Variants in XIRP2 observed in about 807,000 individuals in gnomAD.
XIRP2 encodes xin actin-binding repeat-containing protein 2.
In XIRP2, 236 loss-of-function variants were observed where a neutral mutation model predicts 277.0. The ratio of observed to expected loss-of-function variants is 0.85; its 90% CI spans 0.77 to 0.95. XIRP2 has a LOEUF of 0.95. Among genes scored for constraint, XIRP2 ranks in the 40% least tolerant of loss-of-function variants. The probability of loss-of-function intolerance (pLI) is 0.00; values close to 1 mark genes in which losing one functional copy is unlikely to be tolerated. For synonymous variants in XIRP2, 1,490 were observed against 1,416.5 expected (o/e 1.05, Z -1.17); for missense variants, 4,640 against 4,157.5 (o/e 1.12, Z -3.19).
chr2:166,982,853 C>G (rs1686911054), intron 2 of XIRP2, among the ~76,000 whole-genome samples: 1 of 152,168 alleles, frequency 6.6e-6, no homozygotes, highest in African/African-American at 2.4e-5. Context: ...AAGCCAACAA[C>G]ATGGTAGATT....
intron 3 of XIRP2, among the ~76,000 whole-genome samples, chr2:167,205,754 A>T (rs1284299978): frequency 6.6e-6 from 1 of 152,162 alleles, no homozygotes; most frequent in East Asian, 1.9e-4. Flanking sequence ...CACATGGTAC[A>T]CCATTAGATT....
intron 2 of XIRP2, among the ~76,000 whole-genome samples, chr2:166,958,103 A>G (rs1178462067): frequency 6.6e-6 from 1 of 151,882 alleles, no homozygotes; most frequent in East Asian, 1.9e-4. Context: ...GACTTTGCTA[A>G]CTATGATTTT....
intron 2 of XIRP2, among the ~76,000 whole-genome samples, chr2:167,085,374 A>G (rs1258239577): frequency 8.0e-5 from 12 of 150,520 alleles, no homozygotes; most frequent in Non-Finnish European, 1.3e-4. Context: ...TATGTGGTCA[A>G]TTTTGGAATA....
intron 5 of XIRP2, among the ~76,000 whole-genome samples, chr2:167,237,786 A>G (rs1026350152): frequency 2.0e-5 from 3 of 152,116 alleles, no homozygotes; most frequent in Non-Finnish European, 2.9e-5. Flanking sequence ...TCACTGTTTA[A>G]TTGGTACTTC....
At chr2:167,075,784 G>C (rs1320760055) in intron 2 of XIRP2, among the ~76,000 whole-genome samples, 1 of 151,846 alleles carries the variant, frequency 6.6e-6, no homozygotes, top group Non-Finnish European at 1.5e-5. Flanking sequence ...TGGGATTACA[G>C]GCACCTGCCA....
chr2:167,118,482 GATAAAATAAAATAAA>G lies in XIRP2; in HGVS notation c.409-17388_409-17374del, dbSNP rs11270871. Reference sequence around the variant, plus strand: ...GGGCGACACAGCAAGACTCTGTCTCGATAAAATAAAATAAAATAAAATAAAATAAAATAAAATAAA... The same window carrying G: ...GGGCGACACAGCAAGACTCTGTCTCGATAAAATAAAATAAAATAAAATAAA... On this transcript the variant is annotated intron_variant, in intron 2 of 10. Coordinates refer to ENST00000409195, the MANE Select transcript of XIRP2 (RefSeq NM_152381.6). 6.5e-3 allele frequency among the ~76,000 whole-genome samples: 796 copies of G among 122,186 alleles called. 5 individuals are homozygous for G. Among genetic ancestry groups the G allele is most frequent in the South Asian group, 0.036 (129 of 3,562 alleles). 80.2% of individuals were successfully genotyped at this position (122,186 alleles called of 152,430 possible).
chr2:167,118,354 C>T (rs1010618056), intron 2 of XIRP2, among the ~76,000 whole-genome samples: 6 of 151,886 alleles, frequency 4.0e-5, no homozygotes, highest in East Asian at 1.9e-4. Context: ...TGGTGGCATA[C>T]GCCTGTAATC....
chr2:167,057,172 T>C (rs1180485744), intron 2 of XIRP2, among the ~76,000 whole-genome samples: 1 of 152,282 alleles, frequency 6.6e-6, no homozygotes, highest in East Asian at 1.9e-4. Context: ...TGAAAATCTC[T>C]GTACAAGCCG....
intron 1 of XIRP2, among the ~76,000 whole-genome samples, chr2:166,891,677 T>C (rs1048096316): frequency 6.6e-6 from 1 of 152,122 alleles, no homozygotes; most frequent in African/African-American, 2.4e-5. Flanking sequence ...GTCTTTTGAT[T>C]TTTTTTCTCT....
intron 2 of XIRP2, among the ~76,000 whole-genome samples, chr2:167,115,870 T>C (rs1690884156): frequency 1.3e-5 from 2 of 152,328 alleles, no homozygotes. Context: ...AAAATTTTCT[T>C]TGAGACTTCC....
chr2:166,904,000 T>C, intron 2 of XIRP2, 110 bp downstream of exon 2: 1 of 1,291,692 alleles, frequency 7.7e-7, no homozygotes, highest in Non-Finnish European at 1.1e-6. Context: ...TAGACAGATG[T>C]CCTGAAGCCG....
Position 166,903,901 on chromosome 2 carries a change from A to G in XIRP2, c.408+11A>G, listed in dbSNP as rs752046137. ...GAGTACGGTGGAAAGGTAAGGAGCC[A>G]TTGATTGAGAGTCTATGTTTACATA... is the stretch of plus-strand genomic sequence containing the variant. On this transcript the variant is annotated intron_variant, in intron 2 of 10. Coordinates refer to ENST00000409195, the MANE Select transcript of XIRP2 (RefSeq NM_152381.6). 3.1e-6 allele frequency: 5 copies of G among 1,606,092 alleles called. No individual in the cohort carries two copies. In the South Asian group the frequency reaches 4.4e-5, roughly 14 times the overall value.
intron 4 of XIRP2, among the ~76,000 whole-genome samples, chr2:167,212,648 A>G (rs989757062): frequency 1.1e-4 from 17 of 152,200 alleles, no homozygotes; most frequent in African/African-American, 3.4e-4. Flanking sequence ...GAGGAGGCCA[A>G]GCTAGATTCC....
chr2:166,905,408 A>G (rs1164438615), intron 2 of XIRP2, among the ~76,000 whole-genome samples: 1 of 151,984 alleles, frequency 6.6e-6, no homozygotes, highest in Non-Finnish European at 1.5e-5. Context: ...CTTATATACA[A>G]CAGTAAGATA....
At chr2:167,067,206 G>T (rs987810346) in intron 2 of XIRP2, among the ~76,000 whole-genome samples, 10 of 151,614 alleles carry the variant, frequency 6.6e-5, no homozygotes, top group African/African-American at 2.4e-4. Context: ...GTTACTTGAT[G>T]GTCTGTTTAT....
intron 2 of XIRP2, among the ~76,000 whole-genome samples, chr2:166,995,094 G>T (rs1439090885): frequency 1.3e-5 from 2 of 151,956 alleles, no homozygotes; most frequent in Admixed American, 1.3e-4. Flanking sequence ...GTTGGCCAGG[G>T]TGGTCTCAAT....
chr2:167,043,594 G>A (rs972935210), intron 2 of XIRP2, among the ~76,000 whole-genome samples: 1 of 151,970 alleles, frequency 6.6e-6, no homozygotes, highest in East Asian at 1.9e-4. Flanking sequence ...AAACCTAGAA[G>A]AAATAGATAA....
At chr2:167,236,457 A>G (rs1197657868) in intron 5 of XIRP2, among the ~76,000 whole-genome samples, 3 of 152,090 alleles carry the variant, frequency 2.0e-5, no homozygotes, top group African/African-American at 7.2e-5. Context: ...TGGTTAATAT[A>G]TAAGCTGACA....
chr2:166,940,084 C>A (rs1416697224), intron 2 of XIRP2, among the ~76,000 whole-genome samples: 2 of 152,198 alleles, frequency 1.3e-5, no homozygotes, highest in Non-Finnish European at 2.9e-5. Context: ...TCAGGTACAC[C>A]AGTCAGACTT....
Sources: allele counts gnomAD v4.1 joint callset (sites outside exome capture counted in the v4.1 genomes callset), GRCh38; gene constraint gnomAD v4.1.1; transcripts MANE v1.5; gene names NCBI Gene and HGNC (gene_info 2026-07-23, HGNC 2026-07-21).